PIK3C2G: variants seen among roughly 807,000 people sequenced by gnomAD.
PIK3C2G encodes the protein phosphatidylinositol-4-phosphate 3-kinase catalytic subunit type 2 gamma, also known as phosphatidylinositol 3-kinase C2 domain-containing subunit gamma.
In PIK3C2G, 168 loss-of-function variants were observed where a neutral mutation model predicts 181.1. The observed-to-expected ratio is 0.93, with a 90% CI of 0.82 to 1.05. PIK3C2G has a LOEUF of 1.05. Among genes scored for constraint, PIK3C2G ranks in the 50% least tolerant of loss-of-function variants. The pLI is 0.00. For missense variants in PIK3C2G, 1,869 were observed against 1,732.8 expected (o/e 1.08, Z -1.40); for synonymous variants, 573 against 592.2 (o/e 0.97, Z 0.47).
chr12:18,619,741 A>AT (rs34358685), intron 31 of PIK3C2G, among the ~76,000 whole-genome samples: 128 of 143,058 alleles, frequency 8.9e-4, no homozygotes, highest in African/African-American at 2.6e-3. Context: ...TATGATTTTA[A>AT]TTTTTTTTTT....
At chr12:18,623,766 A>G (rs910552634) in intron 31 of PIK3C2G, among the ~76,000 whole-genome samples, 4 of 151,592 alleles carry the variant, frequency 2.6e-5, no homozygotes, top group Non-Finnish European at 4.4e-5. Flanking sequence ...CTCCTTTGTT[A>G]AATTTGTTCC....
the PIK3C2G span, among the ~76,000 whole-genome samples, chr12:18,658,677 G>A: frequency 7.9e-5 from 12 of 151,868 alleles, no homozygotes; most frequent in African/African-American, 2.4e-4. Flanking sequence ...ATACATAACC[G>A]ACCTGTAACT....
the PIK3C2G span, among the ~76,000 whole-genome samples, chr12:18,671,750 ACTGT>A: frequency 6.6e-6 from 1 of 152,150 alleles, no homozygotes; most frequent in East Asian, 1.9e-4. Flanking sequence ...ATGCAAAAAG[ACTGT>A]CTGAGTTCAT....
intron 26 of PIK3C2G, among the ~76,000 whole-genome samples, chr12:18,558,252 A>G (rs1945116118): frequency 6.6e-6 from 1 of 152,192 alleles, no homozygotes; most frequent in Non-Finnish European, 1.5e-5. Flanking sequence ...AAAGAAAAAA[A>G]TGTCTTTGCA....
intron 10 of PIK3C2G, 69 bp downstream of exon 10, chr12:18,343,429 T>A (rs1489672382): frequency 1.3e-6 from 1 of 773,476 alleles, no homozygotes; most frequent in Non-Finnish European, 2.1e-6. Flanking sequence ...CAAAATACTT[T>A]TTTCAATTTT....
At chr12:18,713,341 G>T in the PIK3C2G span, among the ~76,000 whole-genome samples, 1 of 152,036 alleles carries the variant, frequency 6.6e-6, no homozygotes, top group Non-Finnish European at 1.5e-5. Context: ...ACTTATGGTG[G>T]CATTTACTGT....
the PIK3C2G span, among the ~76,000 whole-genome samples, chr12:18,674,251 A>G: frequency 6.6e-6 from 1 of 152,218 alleles, no homozygotes; most frequent in South Asian, 2.1e-4. Flanking sequence ...ATAGCTTAAT[A>G]TAATAATGAC....
intron 18 of PIK3C2G, among the ~76,000 whole-genome samples, chr12:18,455,840 C>T (rs1947596256): frequency 6.6e-6 from 1 of 152,158 alleles, no homozygotes; most frequent in Non-Finnish European, 1.5e-5. Context: ...AGGATTTCAG[C>T]ATACGAATTT....
At chr12:18,671,223 G>A in the PIK3C2G span, among the ~76,000 whole-genome samples, 1 of 150,888 alleles carries the variant, frequency 6.6e-6, no homozygotes. Flanking sequence ...AAAAGAAAAA[G>A]TGCTATCTAG....
Position 18,609,596 on chromosome 12 carries a change from G to T in PIK3C2G, c.4149G>T (p.Lys1383Asn), listed in dbSNP as rs1407405512. Residue 1383 changes from lysine to asparagine, a missense_variant, in exon 31 of 33, where the codon AAG (lysine) becomes AAT (asparagine). Physicochemically the swap from Lys to Asn is moderately conservative, Grantham distance 94. Transcript: ENST00000538779. ...VQLVISYEDV[K>N]LTILVKHMKN... ...TAGTCATATCCTACGAGGATGTGAA[G>T]CTGACCATACTAGTGAAACACATGA... The T allele has an allele frequency of 6.3e-7, 1 of 1,585,110 alleles. No homozygotes were observed. The highest frequency in any genetic ancestry group is 8.6e-7 in the Non-Finnish European group (1 of 1,163,544).
chr12:18,278,868 A>T (rs1027546690), intron 1 of PIK3C2G, among the ~76,000 whole-genome samples: 1 of 152,054 alleles, frequency 6.6e-6, no homozygotes, highest in African/African-American at 2.4e-5. Context: ...AAAACAACCA[A>T]ATTTAATATT....
chr12:18,502,803 C>T (rs891402959), intron 22 of PIK3C2G, among the ~76,000 whole-genome samples: 49 of 152,144 alleles, frequency 3.2e-4, no homozygotes, highest in Non-Finnish European at 1.0e-4. Context: ...TGTTCACTCC[C>T]GCAAATGTAA....
the PIK3C2G span, among the ~76,000 whole-genome samples, chr12:18,692,440 A>G: frequency 6.6e-6 from 1 of 152,204 alleles, no homozygotes; most frequent in Non-Finnish European, 1.5e-5. Flanking sequence ...GTTATAGAGG[A>G]AAAAGAAAAA....
At chr12:18,449,544 C>T (rs1176077398) in intron 18 of PIK3C2G, among the ~76,000 whole-genome samples, 1 of 151,986 alleles carries the variant, frequency 6.6e-6, no homozygotes. Context: ...TGAGTGAAGA[C>T]GTGGTATTTG....
intron 24 of PIK3C2G, among the ~76,000 whole-genome samples, chr12:18,506,414 G>A (rs779701379): frequency 6.6e-6 from 1 of 152,182 alleles, no homozygotes; most frequent in Non-Finnish European, 1.5e-5. Context: ...GATACCTTGT[G>A]TAATGGAGAC....
downstream of PIK3C2G, among the ~76,000 whole-genome samples, chr12:18,651,234 T>G (rs538266764): frequency 6.6e-6 from 1 of 152,090 alleles, no homozygotes; most frequent in Admixed American, 6.6e-5. Flanking sequence ...AAATGTGCCT[T>G]TGTGCCCTGT....
intron 24 of PIK3C2G, among the ~76,000 whole-genome samples, chr12:18,526,203 C>T (rs919926917): frequency 2.6e-5 from 4 of 152,156 alleles, no homozygotes; most frequent in Non-Finnish European, 5.9e-5. Context: ...CATTCTCCTT[C>T]AGTACAATAT....
At chr12:18,654,729 A>C in the PIK3C2G span, among the ~76,000 whole-genome samples, 5 of 152,214 alleles carry the variant, frequency 3.3e-5, no homozygotes, top group Non-Finnish European at 5.9e-5. Flanking sequence ...TGATAAGATT[A>C]TCTTTTACAT....
chr12:18,292,227 A>AAAATATATATATAT, intron 4 of PIK3C2G, among the ~76,000 whole-genome samples: 10 of 48,728 alleles, frequency 2.1e-4, no homozygotes, highest in South Asian at 8.9e-4. Context: ...AAAAAAAAAA[A>AAAATATATATATAT]ATATATATAT....
Sources: allele counts gnomAD v4.1 joint callset (sites outside exome capture counted in the v4.1 genomes callset), GRCh38; gene constraint gnomAD v4.1.1; transcripts MANE v1.5; gene names NCBI Gene and HGNC (gene_info 2026-07-23, HGNC 2026-07-21).